The following CLIP1 variants were observed in gnomAD, a reference collection of about 807,000 sequenced individuals.
The protein encoded by CLIP1 is CAP-Gly domain-containing linker protein 1.
Under a neutral mutation model 161.6 loss-of-function variants are expected in CLIP1, and 66 were observed. The observed-to-expected ratio is 0.41, with a 90% CI of 0.33 to 0.50. The LOEUF (loss-of-function observed/expected upper bound fraction) is 0.50. CLIP1 is among the 20% of genes least tolerant of loss of function. CLIP1 has a pLI of 0.27. For missense variants in CLIP1, 1,376 were observed against 1,702.0 expected (o/e 0.81, Z 3.37); for synonymous variants, 598 against 626.2 (o/e 0.96, Z 0.67).
At chr12:122,363,944 A>G in intron 4 of CLIP1, 39 bp downstream of exon 4, 1 of 1,613,290 alleles carries the variant, frequency 6.2e-7, no homozygotes, top group Non-Finnish European at 8.5e-7. Context: ...ATCGTCACGT[A>G]CAAGAGTGAC....
intron 3 of CLIP1, among the ~76,000 whole-genome samples, chr12:122,374,197 C>T (rs1440944959): frequency 6.7e-6 from 1 of 149,514 alleles, no homozygotes; most frequent in Non-Finnish European, 1.5e-5. Flanking sequence ...TTAGGCTGGG[C>T]GTGGTAGCTC....
At chr12:122,327,184 A>G (rs559874553) in intron 17 of CLIP1, among the ~76,000 whole-genome samples, 1 of 152,276 alleles carries the variant, frequency 6.6e-6, no homozygotes, top group African/African-American at 2.4e-5. Context: ...GGTGGCTCAC[A>G]CCTGTAATCC....
chr12:122,278,363 C>A, intron 23 of CLIP1, 160 bp from the exon 24 acceptor site: 1 of 697,672 alleles, frequency 1.4e-6, no homozygotes, highest in Non-Finnish European at 2.4e-6. Flanking sequence ...GAGTTTGTGT[C>A]CCCTTGCGGG....
rs117434086 is a variant in CLIP1, at chr12:122,384,786, G to A, written c.-106-4228C>T. Among the ~76,000 whole-genome samples, 430 of 149,622 alleles carry A rather than the reference G, an allele frequency of 2.9e-3. 15 individuals are homozygous for A. The East Asian group carries it at 0.063, about 22-fold the overall frequency. ...AAAAAATAAAAAAAAAAAATAAAGC[G>A]AAATCATTCTCTCCAGTTTCTTTTT... is the stretch of plus-strand genomic sequence containing the variant. On this transcript the variant is annotated intron_variant, in intron 1 of 25. Transcript: ENST00000620786.
At chr12:122,309,043 A>G (rs1950976031) in intron 20 of CLIP1, among the ~76,000 whole-genome samples, 1 of 152,266 alleles carries the variant, frequency 6.6e-6, no homozygotes, top group Non-Finnish European at 1.5e-5. Context: ...GCTGCTCTGA[A>G]GTCAGATGTG....
chr12:122,338,270 G>A (rs769107609), intron 11 of CLIP1, among the ~76,000 whole-genome samples: 7 of 152,064 alleles, frequency 4.6e-5, no homozygotes, highest in Admixed American at 1.3e-4. Flanking sequence ...CCTGGGAGGC[G>A]GAGGCTGCAG....
chr12:122,360,762 C>T, intron 5 of CLIP1, 197 bp downstream of exon 5: 1 of 541,176 alleles, frequency 1.8e-6, no homozygotes. Context: ...ATTAAAAGCA[C>T]TTTCTGATTT....
In CLIP1 at chr12:122,279,220, C is replaced by A; in HGVS notation, c.3648-75G>T. ...CAGTGTACAACTGTTCTAGAACAAA[C>A]ACATAATTAATGTTAGTTAATGTAA... On this transcript the variant is annotated intron_variant, in intron 21 of 25. Coordinates refer to ENST00000620786, the MANE Select transcript of CLIP1 (RefSeq NM_001247997.2). This position sits in a 1 kb window ranked among gnomAD's most constrained non-coding sequence, Gnocchi z 4.5. 10 of 908,214 alleles carry A rather than the reference C, an allele frequency of 1.1e-5. No individual in the cohort carries two copies. The highest frequency in any genetic ancestry group is 7.9e-5 in the South Asian group (4 of 50,760). 56.3% of individuals were successfully genotyped at this position (908,214 alleles called of 1,614,324 possible).
chr12:122,387,560 A>T (rs1955340517), intron 1 of CLIP1, among the ~76,000 whole-genome samples: 1 of 10,318 alleles, frequency 9.7e-5, no homozygotes, highest in African/African-American at 1.5e-4. Context: ...ATATATATAT[A>T]TATATATATA....
intron 17 of CLIP1, among the ~76,000 whole-genome samples, chr12:122,321,528 C>T (rs1231693207): frequency 2.7e-5 from 4 of 148,576 alleles, no homozygotes; most frequent in African/African-American, 9.9e-5. Context: ...CCTGGCTGTT[C>T]TTTTTTTTTA....
At position 122,272,626 on chromosome 12, in the gene CLIP1, A is replaced by G. The variant is rs755482473; in HGVS notation, c.*249T>C. On this transcript the variant is annotated 3_prime_UTR_variant, in exon 26 of 26. Transcript: ENST00000620786. ...CAATAAATGTAATGGCATCTGGTGC[A>G]ATGTCTTCAAACGTAAAAATCAAGA... The G allele has an allele frequency of 4.2e-6, 2 of 475,632 alleles. No individual in the cohort carries two copies. The highest frequency in any genetic ancestry group is 7.6e-6 in the Non-Finnish European group (2 of 262,470). The allele number at this position is 475,632 out of a possible 1,614,324, so 29.5% of individuals were successfully genotyped here. A position where few individuals can be genotyped will look rare whatever the true frequency, so the allele number is the denominator to read the frequency against.
chr12:122,374,510 T>TC lies in CLIP1; in HGVS notation c.657+2878dup, dbSNP rs1310804240. ...CAGGCGCGGTGGCTCACACCTGTAA[T>TC]CCCAGCACTTTGGGAGGCCGAGTCG... On this transcript the variant is annotated intron_variant, in intron 3 of 25. Transcript: ENST00000620786. Among the ~76,000 whole-genome samples the TC allele has an allele frequency of 3.3e-5, 5 of 151,350 alleles. No individual in the cohort carries two copies. In the East Asian group the frequency reaches 7.8e-4, roughly 24 times the overall value.
At chr12:122,393,911 C>T (rs61954428) in intron 1 of CLIP1, among the ~76,000 whole-genome samples, 1 of 6,460 alleles carries the variant, frequency 1.5e-4, no homozygotes. Context: ...GATTCTGTCT[C>T]CAAAAAAAAA....
chr12:122,384,723 T>C (rs1405294215), intron 1 of CLIP1, among the ~76,000 whole-genome samples: 1 of 150,490 alleles, frequency 6.6e-6, no homozygotes, highest in Non-Finnish European at 1.5e-5. Flanking sequence ...ATCGCGCCAC[T>C]GCACTCCGGC....
At chr12:122,346,279 C>T (rs1216803318) in intron 10 of CLIP1, among the ~76,000 whole-genome samples, 1 of 152,202 alleles carries the variant, frequency 6.6e-6, no homozygotes, top group Non-Finnish European at 1.5e-5. Flanking sequence ...AATGGGGACA[C>T]TAATATTCCC....
intron 3 of CLIP1, among the ~76,000 whole-genome samples, chr12:122,372,438 C>T (rs34022524): frequency 3.3e-5 from 5 of 149,534 alleles, no homozygotes; most frequent in Admixed American, 6.7e-5. Context: ...AAAAATTAGT[C>T]GGGTGTGGTG....
chr12:122,365,569 T>A, intron 3 of CLIP1: 3 of 1,247,768 alleles, frequency 2.4e-6, no homozygotes, highest in Non-Finnish European at 3.5e-6. Flanking sequence ...AAGCACACTT[T>A]GTGAGAACCA....
Position 122,363,966 on chromosome 12 carries a change from C to T in CLIP1, c.782+17G>A, listed in dbSNP as rs1226199721. 6.2e-7 allele frequency: 1 copy of T among 1,613,636 alleles called. No individual in the cohort carries two copies. Among genetic ancestry groups the T allele is most frequent in the Non-Finnish European group, 8.5e-7 (1 of 1,179,852 alleles). ...CGTACAAGAGTGACACAAGATGTTG[C>T]ACAACGCCAAACAAACCTTGTTCCA... On this transcript the variant is annotated intron_variant, in intron 4 of 25. Coordinates refer to ENST00000620786, the MANE Select transcript of CLIP1 (RefSeq NM_001247997.2).
intron 12 of CLIP1, among the ~76,000 whole-genome samples, chr12:122,336,217 C>G (rs1190001532): frequency 6.6e-6 from 1 of 152,144 alleles, no homozygotes; most frequent in Non-Finnish European, 1.5e-5. Context: ...GCCTCGCCAA[C>G]AGAGGGCGCC....
Sources: allele counts gnomAD v4.1 joint callset (sites outside exome capture counted in the v4.1 genomes callset), GRCh38; gene constraint gnomAD v4.1.1; non-coding constraint Gnocchi (gnomAD v3.1); transcripts MANE v1.5; gene names NCBI Gene and HGNC (gene_info 2026-07-23, HGNC 2026-07-21).